WNT8A: variants seen among roughly 807,000 people sequenced by gnomAD.
The protein encoded by WNT8A is protein Wnt-8a.
WNT8A carries 14 observed loss-of-function variants against 20.5 expected under a neutral mutation model. The observed-to-expected ratio is 0.68, with a 90% CI of 0.45 to 1.07. The LOEUF (loss-of-function observed/expected upper bound fraction) is 1.07, where lower values mean the gene tolerates loss of function less well. Among genes scored for constraint, WNT8A ranks in the 50% least tolerant of loss-of-function variants. The pLI is 0.00. For synonymous variants in WNT8A, 167 were observed against 169.2 expected (o/e 0.99, Z 0.10); for missense variants, 397 against 462.9 (o/e 0.86, Z 1.31).
chr5:138,080,886 C>A (rs1321413633), upstream of WNT8A, among the ~76,000 whole-genome samples: 1 of 152,116 alleles, frequency 6.6e-6, no homozygotes, highest in Non-Finnish European at 1.5e-5. Flanking sequence ...ACACAACAAG[C>A]CCAGGGCTCC....
At chr5:138,083,470 G>A (rs1489120053), upstream of WNT8A, among the ~76,000 whole-genome samples, 1 of 152,162 alleles carries the variant, frequency 6.6e-6, no homozygotes, top group Non-Finnish European at 1.5e-5. Context: ...AGGGACTGTT[G>A]CAGAGATGGA....
intron 3 of WNT8A, among the ~76,000 whole-genome samples, chr5:138,088,630 A>G (rs1198528411): frequency 1.3e-5 from 2 of 152,084 alleles, no homozygotes; most frequent in Non-Finnish European, 2.9e-5. Context: ...TGCTGGGATT[A>G]CAGACGTGAG....
upstream of WNT8A, among the ~76,000 whole-genome samples, chr5:138,081,013 G>A (rs1421380694): frequency 4.6e-5 from 7 of 152,056 alleles, no homozygotes; most frequent in African/African-American, 1.7e-4. Context: ...AGGCCGAGAC[G>A]GGTGGATCAC....
chr5:138,081,962 T>C (rs1202986427), upstream of WNT8A, among the ~76,000 whole-genome samples: 1 of 152,184 alleles, frequency 6.6e-6, no homozygotes, highest in African/African-American at 2.4e-5. Flanking sequence ...CTGGGGACTC[T>C]TTGGCCCCTG....
At chr5:138,081,157 C>T (rs554171705), upstream of WNT8A, among the ~76,000 whole-genome samples, 1 of 148,422 alleles carries the variant, frequency 6.7e-6, no homozygotes, top group South Asian at 2.1e-4. Flanking sequence ...ACAAGGGAGG[C>T]GGAGCTTGCA....
upstream of WNT8A, among the ~76,000 whole-genome samples, chr5:138,081,835 G>C (rs1750518240): frequency 6.6e-6 from 1 of 152,128 alleles, no homozygotes; most frequent in South Asian, 2.1e-4. Context: ...GCTCCAAATT[G>C]CTATAAAAAT....
At position 138,088,647 on chromosome 5, in the gene WNT8A, C is replaced by T. The variant is rs117220086; in HGVS notation, c.422-280C>T. Reference sequence around the variant, plus strand: ...CTGGGATTACAGACGTGAGCCACCACGCCTGGCCAAGCTGCAGTGAACCTT... The same window carrying T: ...CTGGGATTACAGACGTGAGCCACCATGCCTGGCCAAGCTGCAGTGAACCTT... On this transcript the variant is annotated intron_variant, in intron 3 of 4. Coordinates refer to ENST00000506684, the MANE Select transcript of WNT8A (RefSeq NM_001300939.2). 3.8e-3 allele frequency among the ~76,000 whole-genome samples: 573 copies of T among 152,046 alleles called. 27 individuals are homozygous for T. In the East Asian group the frequency reaches 0.085, roughly 23 times the overall value.
At chr5:138,090,154 T>C (rs1315638474) in intron 4 of WNT8A, among the ~76,000 whole-genome samples, 3 of 152,192 alleles carry the variant, frequency 2.0e-5, no homozygotes, top group Non-Finnish European at 4.4e-5. Flanking sequence ...ATAATTTACA[T>C]AGTACTTCCT....
upstream of WNT8A, among the ~76,000 whole-genome samples, chr5:138,080,832 G>A (rs1750493133): frequency 2.6e-5 from 4 of 152,262 alleles, no homozygotes; most frequent in South Asian, 8.3e-4. Flanking sequence ...TTTTGGAGAT[G>A]AAGAATCTAA....
rs368264192 is a variant in WNT8A at position 138,084,484 on chromosome 5, T to G, written c.157-14T>G. ...ATACCGGGCAGAAGCTCACAGCCCT[T>G]TTCCCTTTGCCAGGCCTATCTGACC... On this transcript the variant is annotated splice_polypyrimidine_tract_variant and intron_variant, in intron 1 of 4. Coordinates refer to ENST00000506684, the MANE Select transcript of WNT8A (RefSeq NM_001300939.2). 1.9e-5 allele frequency: 31 copies of G among 1,591,544 alleles called. No homozygotes were observed. Among genetic ancestry groups the G allele is most frequent in the Non-Finnish European group, 2.5e-5 (29 of 1,167,876 alleles).
At position 138,090,817 on chromosome 5, in the gene WNT8A, T is replaced by C. The variant is rs1433045674; in HGVS notation, c.854T>C (p.Ile285Thr). The stretch of plus-strand genomic sequence containing the variant: ...TGTACCTGCAATTCCAGCCTGGGCA[T>C]CTATGGCACAGAGGGTCGTGAGTGC... ...DYCTCNSSLG[I>T]YGTEGRECLQ... Residue 285 changes from isoleucine (I) to threonine (T), a missense_variant, in exon 5 of 5, where the codon ATC (isoleucine) becomes ACC (threonine). Physicochemically the swap from Ile to Thr is moderately conservative, Grantham distance 89. Coordinates refer to ENST00000506684, the MANE Select transcript of WNT8A (RefSeq NM_001300939.2). 4 of 1,614,158 alleles carry C rather than the reference T, an allele frequency of 2.5e-6. No homozygotes were observed. Among genetic ancestry groups the C allele is most frequent in the South Asian group, 1.1e-5 (1 of 91,080 alleles).
upstream of WNT8A, among the ~76,000 whole-genome samples, chr5:138,082,841 C>T (rs1161303822): frequency 1.3e-5 from 2 of 151,630 alleles, no homozygotes; most frequent in Non-Finnish European, 2.9e-5. Context: ...CATGCCACTG[C>T]ACTCCAGCCT....
At chr5:138,087,533 G>T (rs1366599357) in intron 2 of WNT8A, among the ~76,000 whole-genome samples, 1 of 145,648 alleles carries the variant, frequency 6.9e-6, no homozygotes, top group Non-Finnish European at 1.5e-5. Flanking sequence ...CGCACCTGTA[G>T]TCCCAGCCAG....
At chr5:138,079,463 C>T (rs1750449134), upstream of WNT8A, among the ~76,000 whole-genome samples, 1 of 151,294 alleles carries the variant, frequency 6.6e-6, no homozygotes, top group Non-Finnish European at 1.5e-5. Context: ...CTATTTATAC[C>T]CATTATATCT....
chr5:138,088,870 G>A, intron 3 of WNT8A, 57 bp from the exon 4 acceptor site: 1 of 1,585,944 alleles, frequency 6.3e-7, no homozygotes, highest in Non-Finnish European at 8.6e-7. Context: ...TGGTTTGGCG[G>A]GTGACTGGGA....
intron 2 of WNT8A, among the ~76,000 whole-genome samples, chr5:138,085,837 G>A (rs1051849626): frequency 8.2e-6 from 1 of 121,764 alleles, no homozygotes; most frequent in Non-Finnish European, 1.6e-5. Flanking sequence ...CTGGGTGACA[G>A]AGCAAGACCT....
chr5:138,091,768 G>A (rs1750862099), downstream of WNT8A, among the ~76,000 whole-genome samples: 6 of 54,700 alleles, frequency 1.1e-4, no homozygotes, highest in Admixed American at 1.2e-3. Flanking sequence ...CGAGACTACA[G>A]TGAGGTGTGA....
chr5:138,079,827 A>G (rs1223642228), upstream of WNT8A, among the ~76,000 whole-genome samples: 1 of 152,234 alleles, frequency 6.6e-6, no homozygotes, highest in African/African-American at 2.4e-5. Context: ...CAGGTTGACT[A>G]GAAATGATTT....
Position 138,087,804 on chromosome 5 carries a change from A to G in WNT8A, c.296-2A>G, listed in dbSNP as rs1294261826. ...CAGTCAGTTCCCTCTCTCTCTCCAA[A>G]GCTACCAGAGAGACTTCCTTCATAC... On this transcript the variant is annotated splice_acceptor_variant, in intron 2 of 4. Coordinates refer to ENST00000506684, the MANE Select transcript of WNT8A (RefSeq NM_001300939.2). LOFTEE classifies it high-confidence loss of function. 1.2e-6 allele frequency: 2 copies of G among 1,613,672 alleles called. No individual in the cohort carries two copies. Among genetic ancestry groups the G allele is most frequent in the Non-Finnish European group, 1.7e-6 (2 of 1,179,774 alleles).
Sources: gnomAD v4.1 joint callset for allele counts (sites outside exome capture counted in the v4.1 genomes callset) on GRCh38, gnomAD v4.1.1 for gene constraint, MANE v1.5 for transcripts, NCBI Gene and HGNC (gene_info 2026-07-23, HGNC 2026-07-21) for gene names.